MSH3: variants seen among roughly 807,000 people sequenced by gnomAD.
MSH3 encodes the protein DNA mismatch repair protein Msh3.
Under a neutral mutation model 123.3 loss-of-function variants are expected in MSH3, and 106 were observed. That is an observed-to-expected ratio of 0.86 (90% CI 0.73 to 1.01). MSH3 has a LOEUF of 1.01. MSH3 is among the 50% of genes least tolerant of loss of function. The pLI, the probability that MSH3 is intolerant of heterozygous loss-of-function variation, is 0.00. For missense variants in MSH3, 1,459 were observed against 1,347.6 expected (o/e 1.08, Z -1.29); for synonymous variants, 515 against 481.4 (o/e 1.07, Z -0.91).
At chr5:80,772,092 C>T (rs535832531) in intron 15 of MSH3, among the ~76,000 whole-genome samples, 4 of 152,156 alleles carry the variant, frequency 2.6e-5, no homozygotes, top group African/African-American at 9.6e-5. Context: ...TACCAATTAT[C>T]TCTTAACCTT....
intron 17 of MSH3, among the ~76,000 whole-genome samples, chr5:80,779,850 C>T (rs941279232): frequency 6.6e-6 from 1 of 152,088 alleles, no homozygotes; most frequent in African/African-American, 2.4e-5. Flanking sequence ...AGGCATGAGC[C>T]ACTGTGCCGG....
intron 12 of MSH3, 76 bp from the exon 13 acceptor site, chr5:80,761,470 T>C: frequency 6.4e-7 from 1 of 1,555,938 alleles, no homozygotes; most frequent in Non-Finnish European, 8.9e-7. Flanking sequence ...GTCACATTCC[T>C]GGGCATTAGA....
At chr5:80,658,061 C>A (rs1421696193) in intron 2 of MSH3, among the ~76,000 whole-genome samples, 2 of 39,080 alleles carry the variant, frequency 5.1e-5, no homozygotes, top group Non-Finnish European at 9.0e-5. Context: ...GAGATAGGGT[C>A]TCTCGCTCTG....
At chr5:80,819,740 A>G (rs932248207) in intron 20 of MSH3, among the ~76,000 whole-genome samples, 2 of 151,680 alleles carry the variant, frequency 1.3e-5, no homozygotes, top group East Asian at 3.9e-4. Flanking sequence ...GCCCGCCTTG[A>G]CCTCCCAAAG....
chr5:80,736,555 C>G (rs1743512453), intron 10 of MSH3, among the ~76,000 whole-genome samples: 1 of 152,168 alleles, frequency 6.6e-6, no homozygotes, highest in Admixed American at 6.5e-5. Context: ...TGACTGGAGT[C>G]TGGGACCTTG....
intron 19 of MSH3, among the ~76,000 whole-genome samples, chr5:80,805,093 G>A (rs780892775): frequency 9.2e-5 from 14 of 152,202 alleles, no homozygotes; most frequent in Non-Finnish European, 1.9e-4. Flanking sequence ...AGAAAGTGAA[G>A]TTTTTATTTG....
At chr5:80,700,279 G>A (rs909661271) in intron 8 of MSH3, among the ~76,000 whole-genome samples, 9 of 152,162 alleles carry the variant, frequency 5.9e-5, no homozygotes, top group Non-Finnish European at 1.2e-4. Flanking sequence ...TTCTCAGGAG[G>A]CTGAGGCAGG....
chr5:80,740,659 C>T (rs564155948), intron 10 of MSH3, among the ~76,000 whole-genome samples: 5 of 151,702 alleles, frequency 3.3e-5, no homozygotes, highest in African/African-American at 9.7e-5. Context: ...TGTGCCTGGC[C>T]GCATGTGTGT....
chr5:80,723,322 C>A (rs1172275767), intron 8 of MSH3, among the ~76,000 whole-genome samples: 1 of 151,970 alleles, frequency 6.6e-6, no homozygotes, highest in African/African-American at 2.4e-5. Flanking sequence ...ACAAAAAGAC[C>A]AGTGGAACAG....
At chr5:80,787,921 CTT>C (rs760760058) in intron 18 of MSH3, among the ~76,000 whole-genome samples, 4 of 152,114 alleles carry the variant, frequency 2.6e-5, no homozygotes, top group East Asian at 1.9e-4. Flanking sequence ...TTTCAGCACT[CTT>C]TTCATTTGTT....
intron 8 of MSH3, among the ~76,000 whole-genome samples, chr5:80,700,704 T>C (rs1460610942): frequency 6.6e-6 from 1 of 152,212 alleles, no homozygotes; most frequent in Non-Finnish European, 1.5e-5. Context: ...GCCATGAGTT[T>C]ATTTAAAGAA....
At chr5:80,686,044 TTAA>T (rs1329268909) in intron 8 of MSH3, among the ~76,000 whole-genome samples, 1 of 152,204 alleles carries the variant, frequency 6.6e-6, no homozygotes, top group Non-Finnish European at 1.5e-5. Context: ...TTTGAATGTT[TTAA>T]GACTTGTTTT....
chr5:80,784,199 G>C (rs1428531496), intron 17 of MSH3, among the ~76,000 whole-genome samples: 1 of 96,602 alleles, frequency 1.0e-5, no homozygotes, highest in Non-Finnish European at 1.8e-5. Flanking sequence ...GAAAGAGCGA[G>C]ACTACTACGT....
chr5:80,869,426 A>G (rs922299571), intron 22 of MSH3, among the ~76,000 whole-genome samples: 22 of 152,120 alleles, frequency 1.4e-4, no homozygotes, highest in African/African-American at 5.3e-4. Flanking sequence ...TTCTCATAAA[A>G]CAAGTTTTAT....
chr5:80,719,989 C>G (rs916867370), intron 8 of MSH3, among the ~76,000 whole-genome samples: 7 of 152,072 alleles, frequency 4.6e-5, no homozygotes, highest in Non-Finnish European at 1.0e-4. Context: ...TCTAACAAGT[C>G]CCCAGGTGGT....
At chr5:80,761,337 G>T (rs1744028061) in intron 12 of MSH3, among the ~76,000 whole-genome samples, 1 of 152,114 alleles carries the variant, frequency 6.6e-6, no homozygotes, top group Admixed American at 6.5e-5. Flanking sequence ...GAACTTCTGT[G>T]TCTCCACCCC....
At chr5:80,725,363 T>A in intron 8 of MSH3, 90 bp from the exon 9 acceptor site, 1 of 720,732 alleles carries the variant, frequency 1.4e-6, no homozygotes, top group Non-Finnish European at 2.3e-6. Context: ...AATCTTTATC[T>A]TTTTTTTTTC....
rs1743355695 is a variant in MSH3, at chr5:80,728,960, A to G, written c.1563A>G (p.Lys521=). 3 of 1,562,470 alleles carry G rather than the reference A, an allele frequency of 1.9e-6. No individual in the cohort carries two copies. The highest frequency in any genetic ancestry group is 1.4e-5 in the African/African-American group (1 of 73,838). Residue 521 remains lysine, a synonymous_variant, in exon 10 of 24, where the codon AAA becomes AAG. Coordinates refer to ENST00000265081, the MANE Select transcript of MSH3 (RefSeq NM_002439.5). ...KEFNLEKMLS[K]PENFKQLSSK... is the part of the protein sequence containing the mutation. ...TCAACTTGGAAAAGATGCTCTCCAA[A>G]CCTGAGTAAGTGATTCCTCCAAAAT...
chr5:80,708,732 C>G (rs1384684251), intron 8 of MSH3, among the ~76,000 whole-genome samples: 7 of 151,952 alleles, frequency 4.6e-5, no homozygotes, highest in Non-Finnish European at 1.0e-4. Flanking sequence ...ATATTTTAGA[C>G]TTTGACTTTC....
Sources: allele counts gnomAD v4.1 joint callset (sites outside exome capture counted in the v4.1 genomes callset), GRCh38; gene constraint gnomAD v4.1.1; transcripts MANE v1.5; gene names NCBI Gene and HGNC (gene_info 2026-07-23, HGNC 2026-07-21).